BASP1: variants seen among roughly 807,000 people sequenced by gnomAD.
BASP1 encodes brain acid soluble protein 1.
In BASP1, 1 loss-of-function variant was observed where a neutral mutation model predicts 2.2. The observed-to-expected ratio is 0.46, with a 90% CI of 0.16 to 2.17. BASP1 has a LOEUF of 2.17. BASP1 is among the 30% of genes most tolerant of loss of function. The probability of loss-of-function intolerance (pLI) is 0.27; values close to 1 mark genes in which losing one functional copy is unlikely to be tolerated. For missense variants in BASP1, 352 were observed against 327.2 expected (o/e 1.08, Z -0.58); for synonymous variants, 187 against 154.2 (o/e 1.21, Z -1.58).
chr5:17,217,877 G>GCGCCC (rs1049692814), intron 1 of BASP1, 67 bp downstream of exon 1: 2 of 151,978 alleles, frequency 1.3e-5, no homozygotes, highest in African/African-American at 4.8e-5. Flanking sequence ...CCACCGCGCC[G>GCGCCC]CGCCCCGCCC....
chr5:17,221,597 A>T (rs1364097852), intron 1 of BASP1, among the ~76,000 whole-genome samples: 1 of 152,150 alleles, frequency 6.6e-6, no homozygotes, highest in African/African-American at 2.4e-5. Flanking sequence ...CTGAGTAGAT[A>T]TATAGACAAC....
At chr5:17,252,817 G>A (rs991635470) in intron 1 of BASP1, among the ~76,000 whole-genome samples, 1 of 152,200 alleles carries the variant, frequency 6.6e-6, no homozygotes, top group Non-Finnish European at 1.5e-5. Flanking sequence ...TAGGAACTGA[G>A]TCACTAGTGA....
intron 1 of BASP1, among the ~76,000 whole-genome samples, chr5:17,270,051 A>T (rs925023170): frequency 6.6e-6 from 1 of 152,130 alleles, no homozygotes; most frequent in African/African-American, 2.4e-5. Flanking sequence ...CCCAGGGTGG[A>T]GTGCAATTGT....
At position 17,276,739 on chromosome 5, in the gene BASP1, C is replaced by CAAAAAAAAAAAAAAA. The variant is rs11447766; in HGVS notation, c.*849_*850insAAAAAAAAAAAAAAA. 1 of 147,910 alleles carries CAAAAAAAAAAAAAAA rather than the reference C, an allele frequency of 6.8e-6. No individual in the cohort carries two copies. Among genetic ancestry groups the CAAAAAAAAAAAAAAA allele is most frequent in the African/African-American group, 2.8e-5 (1 of 36,054 alleles). The allele number at this position is 147,910 out of a possible 1,614,324, so 9.2% of individuals were successfully genotyped here. A position where few individuals can be genotyped will look rare whatever the true frequency, so the allele number is the denominator to read the frequency against. On this transcript the variant is annotated 3_prime_UTR_variant, in exon 2 of 2. Transcript: ENST00000322611. ...CTCATTGGAAAATGGAAAAAAAAAA[C>CAAAAAAAAAAAAAAA]AAAAAAAAAACAAAAAAATGTACAA... is the stretch of plus-strand genomic sequence containing the variant.
At chr5:17,244,731 T>C (rs1214110960) in intron 1 of BASP1, among the ~76,000 whole-genome samples, 1 of 151,036 alleles carries the variant, frequency 6.6e-6, no homozygotes, top group African/African-American at 2.4e-5. Context: ...CTCGCTCTGT[T>C]GCCAGGCTGT....
chr5:17,247,812 G>C (rs1355424028), intron 1 of BASP1, among the ~76,000 whole-genome samples: 3 of 152,178 alleles, frequency 2.0e-5, no homozygotes, highest in Non-Finnish European at 4.4e-5. Context: ...AAAATCAGTA[G>C]ACTTTATGAG....
chr5:17,239,447 C>T (rs62348042), intron 1 of BASP1, among the ~76,000 whole-genome samples: 8,420 of 152,198 alleles, frequency 0.055, 345 homozygotes, highest in Non-Finnish European at 0.082. Context: ...CTATTCACTA[C>T]GGTAAATAAT....
intron 1 of BASP1, among the ~76,000 whole-genome samples, chr5:17,233,086 A>G (rs1269296429): frequency 6.6e-6 from 1 of 152,210 alleles, no homozygotes; most frequent in African/African-American, 2.4e-5. Context: ...TAGCAATACA[A>G]TTTACTCATT....
intron 1 of BASP1, among the ~76,000 whole-genome samples, chr5:17,242,936 A>G (rs546792929): frequency 6.6e-6 from 1 of 152,134 alleles, no homozygotes; most frequent in South Asian, 2.1e-4. Context: ...ATGTCTTGAA[A>G]TAAGTGAACA....
At chr5:17,225,494 A>G (rs1302868869) in intron 1 of BASP1, among the ~76,000 whole-genome samples, 1 of 152,240 alleles carries the variant, frequency 6.6e-6, no homozygotes, top group Non-Finnish European at 1.5e-5. Context: ...GCATGCACTG[A>G]AATAACTTTC....
intron 1 of BASP1, among the ~76,000 whole-genome samples, chr5:17,267,452 A>G (rs1356129648): frequency 6.6e-6 from 1 of 152,232 alleles, no homozygotes; most frequent in Non-Finnish European, 1.5e-5. Context: ...GAAAATGTTA[A>G]AAAACATTCT....
chr5:17,259,939 T>G (rs1740284028), intron 1 of BASP1, among the ~76,000 whole-genome samples: 2 of 152,244 alleles, frequency 1.3e-5, no homozygotes, highest in African/African-American at 2.4e-5. Flanking sequence ...TGTGGTGATA[T>G]GATCTATTAG....
At chr5:17,263,656 C>T (rs1219665906) in intron 1 of BASP1, among the ~76,000 whole-genome samples, 1 of 152,130 alleles carries the variant, frequency 6.6e-6, no homozygotes, top group Non-Finnish European at 1.5e-5. Flanking sequence ...GTAGATCCAA[C>T]TCATCTGGAT....
rs753798155 is a variant in BASP1 at position 17,275,348 on chromosome 5, G to A, written c.132G>A (p.Ala44=). 3.7e-6 allele frequency: 6 copies of A among 1,604,760 alleles called. No individual in the cohort carries two copies. The African/African-American group carries it at 5.4e-5, about 14-fold the overall frequency. Residue 44 remains alanine, a synonymous_variant, in exon 2 of 2, where the codon GCG becomes GCA. Coordinates refer to ENST00000322611, the MANE Select transcript of BASP1 (RefSeq NM_006317.5). This position sits in a 1 kb window ranked among gnomAD's most constrained non-coding sequence, Gnocchi z 5.3. ...CCCCGAAGGAGAGTGAGCCCCAGGC[G>A]GCCGCAGAGCCCGCCGAGGCCAAGG... ...EGTPKESEPQ[A]AAEPAEAKEG...
chr5:17,274,655 C>G (rs1264171138), intron 1 of BASP1, among the ~76,000 whole-genome samples: 1 of 152,158 alleles, frequency 6.6e-6, no homozygotes, highest in African/African-American at 2.4e-5. Context: ...ACAAACTTTG[C>G]CTCTAATCAC....
intron 1 of BASP1, among the ~76,000 whole-genome samples, chr5:17,256,386 T>C (rs1740211168): frequency 6.6e-6 from 1 of 152,212 alleles, no homozygotes; most frequent in Admixed American, 6.5e-5. Context: ...AATGGAAAGA[T>C]CTATGGGCAG....
At chr5:17,268,365 C>CAGT (rs1740461282) in intron 1 of BASP1, among the ~76,000 whole-genome samples, 1 of 152,130 alleles carries the variant, frequency 6.6e-6, no homozygotes, top group African/African-American at 2.4e-5. Flanking sequence ...AATTTTAATA[C>CAGT]AGTAGGCTGT....
chr5:17,268,142 A>G (rs1740454400), intron 1 of BASP1, among the ~76,000 whole-genome samples: 1 of 152,164 alleles, frequency 6.6e-6, no homozygotes, highest in Non-Finnish European at 1.5e-5. Flanking sequence ...TGAGATCCAG[A>G]GTGGGAGGTA....
At chr5:17,262,582 G>A (rs1404167915) in intron 1 of BASP1, among the ~76,000 whole-genome samples, 1 of 152,210 alleles carries the variant, frequency 6.6e-6, no homozygotes, top group Non-Finnish European at 1.5e-5. Context: ...GTCTTATGCT[G>A]AGTGTATATG....
Sources: allele counts gnomAD v4.1 joint callset (sites outside exome capture counted in the v4.1 genomes callset), GRCh38; gene constraint gnomAD v4.1.1; non-coding constraint Gnocchi (gnomAD v3.1); transcripts MANE v1.5; gene names NCBI Gene and HGNC (gene_info 2026-07-23, HGNC 2026-07-21).